Variants in CYP24A1 observed in about 807,000 individuals in gnomAD.
CYP24A1 encodes the protein 1,25-dihydroxyvitamin D(3) 24-hydroxylase, mitochondrial.
CYP24A1 carries 68 observed loss-of-function variants against 62.4 expected under a neutral mutation model. That is an observed-to-expected ratio of 1.09 (90% confidence interval 0.90 to 1.33). CYP24A1 has a LOEUF of 1.33. Among genes scored for constraint, CYP24A1 ranks in the 40% most tolerant of loss-of-function variants. The probability of loss-of-function intolerance (pLI) is 0.00; values close to 1 mark genes in which losing one functional copy is unlikely to be tolerated. For missense variants in CYP24A1, 787 were observed against 653.0 expected, an observed-to-expected ratio of 1.21 and a Z score of -2.24; for synonymous variants, 267 against 253.0, an observed-to-expected ratio of 1.06 and a Z score of -0.52.
rs1000127032 is a variant in CYP24A1, at chr20:54,159,103, C to T, written c.1011G>A (p.Trp337Ter). ...AVETTANSLMWILYNLSRNPQ... is the reference protein window; with the variant it reads ...AVETTANSLM ...GATTACGGGATAAATTGTAGAGAAT[C>T]CACATTAGACTGTTTGCTGTCTGCA... The change falls in exon 8 of 12, where the codon TGG becomes TGA. Residue 337 changes from tryptophan (W) to a stop codon, truncating the protein, a stop_gained. Coordinates refer to ENST00000216862, the MANE Select transcript of CYP24A1 (RefSeq NM_000782.5). LOFTEE classifies it high-confidence loss of function. 3 of 1,613,666 alleles carry T rather than the reference C, an allele frequency of 1.9e-6. No homozygotes were observed. Among genetic ancestry groups the T allele is most frequent in the African/African-American group, 2.7e-5 (2 of 74,926 alleles).
At position 54,173,885 on chromosome 20, in the gene CYP24A1, T is replaced by A. The variant is rs185796101; in HGVS notation, c.-306A>T. The stretch of plus-strand genomic sequence containing the variant: ...GGAAAGCTGGGAGTCCTCCTGTTGG[T>A]CCGCAAGGCTGACCTCTAGGGTCTG... On this transcript the variant is annotated 5_prime_UTR_variant, in exon 1 of 12. Coordinates refer to ENST00000216862, the MANE Select transcript of CYP24A1 (RefSeq NM_000782.5). This position sits in a 1 kb window ranked among gnomAD's most constrained non-coding sequence, Gnocchi z 7.2. 1.3e-4 allele frequency: 63 copies of A among 486,240 alleles called. No individual in the cohort carries two copies. Among genetic ancestry groups the A allele is most frequent in the African/African-American group, 8.5e-4 (44 of 51,744 alleles). The allele number at this position is 486,240 out of a possible 1,614,324, so 30.1% of individuals were successfully genotyped here.
chr20:54,143,587 G>A, the CYP24A1 span, among the ~76,000 whole-genome samples: 2 of 151,910 alleles, frequency 1.3e-5, no homozygotes, highest in Non-Finnish European at 2.9e-5. Context: ...GGTTTTTGGG[G>A]AACAGGTGGT....
At chr20:54,165,146 T>G (rs2092666841) in intron 5 of CYP24A1, among the ~76,000 whole-genome samples, 1 of 152,252 alleles carries the variant, frequency 6.6e-6, no homozygotes. Flanking sequence ...TACTGGTCAG[T>G]GGCCTGTTAG....
intron 5 of CYP24A1, among the ~76,000 whole-genome samples, chr20:54,164,828 TAA>T (rs772562011): frequency 8.2e-4 from 101 of 122,722 alleles, no homozygotes; most frequent in Admixed American, 1.2e-3. Flanking sequence ...GACCTAATTG[TAA>T]AAAAAAAAAA....
At chr20:54,172,253 G>A (rs11699278) in intron 2 of CYP24A1, among the ~76,000 whole-genome samples, 6,330 of 152,152 alleles carry the variant, frequency 0.042, 206 homozygotes, top group Non-Finnish European at 0.06. Flanking sequence ...GAATTAATAG[G>A]GTTTTTAATT....
chr20:54,172,975 C>A lies in CYP24A1; in HGVS notation c.383G>T (p.Arg128Leu), dbSNP rs770793591. 15 of 1,613,326 alleles carry A rather than the reference C, an allele frequency of 9.3e-6. 1 individual carries two copies. The South Asian group carries it at 1.6e-4, about 18-fold the overall frequency. Residue 128 changes from arginine to leucine, a missense_variant, in exon 2 of 12, where the codon CGG (arginine) becomes CTG (leucine). Physicochemically the swap from Arg to Leu is moderately radical, Grantham distance 102. Transcript: ENST00000216862. ...GGCCTTCCACGGTTTGATCTCCAGCCGCTGCGGGTACGCGCTCTCGGTGCG... is the reference window on the plus strand; with the variant it reads ...GGCCTTCCACGGTTTGATCTCCAGCAGCTGCGGGTACGCGCTCTCGGTGCG... Reference protein sequence around the residue: ...LYRTESAYPQRLEIKPWKAYR... With the variant: ...LYRTESAYPQLLEIKPWKAYR...
rs144493564 is a variant in CYP24A1 at position 54,166,555 on chromosome 20, T to A, written c.641-722A>T. ...CTGAAAATAATTTTGAGCTCTCAGG[T>A]CACTTCACCGTTAAATACTTTAGCA... On this transcript the variant is annotated intron_variant, in intron 4 of 11. Coordinates refer to ENST00000216862, the MANE Select transcript of CYP24A1 (RefSeq NM_000782.5). Among the ~76,000 whole-genome samples, 476 of 152,274 alleles carry A rather than the reference T, an allele frequency of 3.1e-3. 1 individual carries two copies. The highest frequency in any genetic ancestry group is 0.01 in the African/African-American group (425 of 41,546).
At chr20:54,164,770 G>C (rs370806686) in intron 5 of CYP24A1, among the ~76,000 whole-genome samples, 3 of 151,512 alleles carry the variant, frequency 2.0e-5, no homozygotes, top group East Asian at 1.9e-4. Context: ...AAGGTAATGT[G>C]GGGGATGATT....
chr20:54,173,077 C>T lies in CYP24A1; in HGVS notation c.281G>A (p.Gly94Asp), dbSNP rs1347234208. 1.2e-6 allele frequency: 2 copies of T among 1,604,550 alleles called. No individual in the cohort carries two copies. Among genetic ancestry groups the T allele is most frequent in the Admixed American group, 3.3e-5 (2 of 60,008 alleles). Reference protein sequence around the residue: ...DTLVEYHKKYGKIFRMKLGSF... With the variant: ...DTLVEYHKKYDKIFRMKLGSF... Reference sequence around the variant, plus strand: ...ACCCAACTTCATGCGGAAAATCTTGCCATACTTCTTGTGGTACTCCACCTG... The same window carrying T: ...ACCCAACTTCATGCGGAAAATCTTGTCATACTTCTTGTGGTACTCCACCTG... Residue 94 changes from glycine to aspartate, a missense_variant, in exon 2 of 12, where the codon GGC becomes GAC. By Grantham distance (94) the Gly-to-Asp change is moderately conservative. Transcript: ENST00000216862. This position sits in a 1 kb window ranked among gnomAD's most constrained non-coding sequence, Gnocchi z 7.2.
chr20:54,158,087 C>G lies in CYP24A1; in HGVS notation c.1235G>C (p.Gly412Ala), dbSNP rs376936695. 1.2e-6 allele frequency: 2 copies of G among 1,613,554 alleles called. No homozygotes were observed. Among genetic ancestry groups the G allele is most frequent in the South Asian group, 2.2e-5 (2 of 91,064 alleles). The change falls in exon 9 of 12, where the codon GGA becomes GCA. Residue 412 changes from glycine to alanine, a missense_variant and splice_region_variant. Physicochemically the swap from Gly to Ala is moderately conservative, Grantham distance 60. Coordinates refer to ENST00000216862, the MANE Select transcript of CYP24A1 (RefSeq NM_000782.5). ...ATAGAATATACAAATTCTACTTACT[C>G]CTTTGGGTAAAGCATATTCACCCAG... ...TVLGEYALPKGTVLMLNTQVL... is the reference protein window; with the variant it reads ...TVLGEYALPKATVLMLNTQVL...
intron 7 of CYP24A1, among the ~76,000 whole-genome samples, chr20:54,161,222 G>A (rs923656257): frequency 7.9e-5 from 12 of 152,308 alleles, no homozygotes; most frequent in Admixed American, 4.6e-4. Flanking sequence ...TGCATGGGCC[G>A]TTTCCTCTAC....
intron 11 of CYP24A1, among the ~76,000 whole-genome samples, chr20:54,156,037 C>T (rs1254561810): frequency 6.6e-6 from 1 of 152,140 alleles, no homozygotes; most frequent in African/African-American, 2.4e-5. Context: ...GAATGGCATA[C>T]TGCAGAAAAA....
chr20:54,146,178 C>T, the CYP24A1 span, among the ~76,000 whole-genome samples: 1 of 152,190 alleles, frequency 6.6e-6, no homozygotes, highest in African/African-American at 2.4e-5. Flanking sequence ...TATTACAGAT[C>T]TATTAGGTTG....
At chr20:54,168,947 C>T (rs1181293187) in intron 4 of CYP24A1, among the ~76,000 whole-genome samples, 1 of 150,684 alleles carries the variant, frequency 6.6e-6, no homozygotes, top group Non-Finnish European at 1.5e-5. Context: ...ACCCAGACTG[C>T]AATGCAGTGG....
rs778326571 is a variant in CYP24A1, at chr20:54,157,184, G to T, written c.1540C>A (p.Arg514=). The T allele has an allele frequency of 3.8e-6, 6 of 1,567,628 alleles. No homozygotes were observed. Among genetic ancestry groups the T allele is most frequent in the Non-Finnish European group, 5.3e-6 (6 of 1,138,384 alleles). The change falls in exon 11 of 12, where the codon CGA becomes AGA. Residue 514 remains arginine (R), a synonymous_variant. Coordinates refer to ENST00000216862, the MANE Select transcript of CYP24A1 (RefSeq NM_000782.5). ...AGATGCTCACCTGAGGCGTATTATC[G>T]CTGGCAAAACGCGATGGGGAGTTCC... ...SRELPIAFCQ[R]
chr20:54,165,836 GT>G lies in CYP24A1; in HGVS notation c.641-4del. ...CTCATACAACACGAGGCAGATACCT[GT>G]CATTTAAAATAATCATCACTTTACA... On this transcript the variant is annotated splice_polypyrimidine_tract_variant and splice_region_variant and intron_variant, in intron 4 of 11. Coordinates refer to ENST00000216862, the MANE Select transcript of CYP24A1 (RefSeq NM_000782.5). 1 of 1,297,626 alleles carries G rather than the reference GT, an allele frequency of 7.7e-7. No homozygotes were observed. Among genetic ancestry groups the G allele is most frequent in the Non-Finnish European group, 1.1e-6 (1 of 890,798 alleles). 80.4% of individuals were successfully genotyped at this position (1,297,626 alleles called of 1,614,324 possible). A position where few individuals can be genotyped will look rare whatever the true frequency, so the allele number is the denominator to read the frequency against.
At chr20:54,162,653 A>G in intron 7 of CYP24A1, 64 bp downstream of exon 7, 1 of 943,078 alleles carries the variant, frequency 1.1e-6, no homozygotes, top group Non-Finnish European at 1.7e-6. Flanking sequence ...TACTATTTAA[A>G]ATCTGTCATC....
intron 11 of CYP24A1, among the ~76,000 whole-genome samples, chr20:54,155,125 A>G (rs554685371): frequency 1.4e-4 from 21 of 152,288 alleles, no homozygotes; most frequent in African/African-American, 4.1e-4. Context: ...GTCACAATGC[A>G]GCTAGAATAC....
intron 7 of CYP24A1, 177 bp downstream of exon 7, chr20:54,162,540 T>TGGTATAGATGCTGTGCGCGGA: frequency 1.6e-6 from 1 of 626,954 alleles, no homozygotes. Flanking sequence ...TGAGGCACCG[T>TGGTATAGATGCTGTGCGCGGA]GGCATAGATG....
Sources: allele counts gnomAD v4.1 joint callset (sites outside exome capture counted in the v4.1 genomes callset), GRCh38; gene constraint gnomAD v4.1.1; non-coding constraint Gnocchi (gnomAD v3.1); transcripts MANE v1.5; gene names NCBI Gene and HGNC (gene_info 2026-07-23, HGNC 2026-07-21).